The following SFTPD variants were observed in gnomAD, a reference collection of about 807,000 sequenced individuals.
SFTPD encodes the protein pulmonary surfactant-associated protein D.
In SFTPD, 18 loss-of-function variants were observed where a neutral mutation model predicts 34.6. That is an observed-to-expected ratio of 0.52 (90% CI 0.36 to 0.77). SFTPD has a LOEUF of 0.77. Among genes scored for constraint, SFTPD ranks in the 30% least tolerant of loss-of-function variants. The pLI is 0.00. For synonymous variants in SFTPD, 155 were observed against 180.9 expected, an observed-to-expected ratio of 0.86 and a Z score of 1.15; for missense variants, 433 against 468.9, an observed-to-expected ratio of 0.92 and a Z score of 0.71.
At chr10:79,943,635 T>C (rs1184295645) in intron 2 of SFTPD, among the ~76,000 whole-genome samples, 1 of 152,160 alleles carries the variant, frequency 6.6e-6, no homozygotes, top group Non-Finnish European at 1.5e-5. Context: ...AGCATGTGGT[T>C]GTGGGTAAAT....
intron 1 of SFTPD, among the ~76,000 whole-genome samples, chr10:79,980,025 A>G (rs1842882021): frequency 6.6e-6 from 1 of 152,216 alleles, no homozygotes; most frequent in Admixed American, 6.5e-5. Flanking sequence ...TTGGGCCTGA[A>G]GAAAACCCAC....
intron 1 of SFTPD, chr10:79,968,621 A>G (rs1158660698): frequency 2.6e-5 from 4 of 152,182 alleles, no homozygotes; most frequent in Non-Finnish European, 5.9e-5. Flanking sequence ...TGTTGCAATG[A>G]ATATATGAAT....
Position 79,938,195 on chromosome 10 carries a change from TCC to T in SFTPD, c.783_784del (p.Lys263AspfsTer33). On this transcript the variant is annotated frameshift_variant, in exon 8 of 8. Transcript: ENST00000372292. LOFTEE classifies it low-confidence loss of function (END_TRUNC). The stretch of plus-strand genomic sequence containing the variant: ...AAAGCCTGCTGTCTTGAAAATCTTC[TCC>T]CCGACACTTTGGCCATTTGGGAAGA... The T allele has an allele frequency of 6.3e-7, 1 of 1,599,366 alleles. No homozygotes were observed. The highest frequency in any genetic ancestry group is 8.6e-7 in the Non-Finnish European group (1 of 1,167,726).
chr10:79,956,214 C>T (rs1159740938), intron 1 of SFTPD, among the ~76,000 whole-genome samples: 2 of 152,192 alleles, frequency 1.3e-5, no homozygotes, highest in Non-Finnish European at 2.9e-5. Flanking sequence ...GTCTACAGCT[C>T]CCAGTGTGAG....
At chr10:79,953,359 T>G (rs2132508471), upstream of SFTPD, among the ~76,000 whole-genome samples, 1 of 152,282 alleles carries the variant, frequency 6.6e-6, no homozygotes, top group African/African-American at 2.4e-5. Context: ...TGGGATAGTT[T>G]TTATCTCTCC....
chr10:79,946,634 AGTG>A lies in SFTPD; in HGVS notation c.23_25del (p.Ala8_Leu9delinsVal). 6.2e-7 allele frequency: 1 copy of A among 1,614,214 alleles called. No individual in the cohort carries two copies. Among genetic ancestry groups the A allele is most frequent in the Non-Finnish European group, 8.5e-7 (1 of 1,180,024 alleles). ...GCCCAGGGGCTGTGTGAGCAGGACCAGTGCAGAGAGGAGGAAGAGCAGCATGGC... is the reference window on the plus strand; with the variant it reads ...GCCCAGGGGCTGTGTGAGCAGGACCACAGAGAGGAGGAAGAGCAGCATGGC... On this transcript the variant is annotated inframe_deletion, in exon 2 of 8. Coordinates refer to ENST00000372292, the MANE Select transcript of SFTPD (RefSeq NM_003019.5).
intron 1 of SFTPD, chr10:79,981,922 C>A: frequency 3.4e-6 from 1 of 293,414 alleles, no homozygotes; most frequent in Non-Finnish European, 6.5e-6. Flanking sequence ...GGTGTGCCCG[C>A]AGCCGAGACC....
At chr10:79,966,668 T>G (rs973638041) in intron 1 of SFTPD, among the ~76,000 whole-genome samples, 1 of 146,638 alleles carries the variant, frequency 6.8e-6, no homozygotes, top group Non-Finnish European at 1.5e-5. Context: ...CATGCCTATG[T>G]CCTGAATGGT....
upstream of SFTPD, among the ~76,000 whole-genome samples, chr10:79,952,625 C>T (rs1386063335): frequency 2.0e-5 from 3 of 152,116 alleles, no homozygotes; most frequent in Non-Finnish European, 4.4e-5. Context: ...TCCATAGCTC[C>T]CCAGGGTCCC....
intron 7 of SFTPD, 77 bp from the exon 8 acceptor site, chr10:79,938,305 C>T: frequency 7.4e-7 from 1 of 1,343,370 alleles, no homozygotes. Context: ...CCTCTGTGCT[C>T]CAACCTGAGC....
chr10:79,949,985 G>A (rs1842700242), upstream of SFTPD: 1 of 151,826 alleles, frequency 6.6e-6, no homozygotes, highest in South Asian at 2.1e-4. Context: ...TTACAGGTGA[G>A]CATGATCACA....
chr10:79,974,076 T>C (rs1040053372), intron 1 of SFTPD, among the ~76,000 whole-genome samples: 1 of 152,210 alleles, frequency 6.6e-6, no homozygotes, highest in Non-Finnish European at 1.5e-5. Flanking sequence ...CAGATTCCCC[T>C]TAAATAAGCT....
Position 79,938,151 on chromosome 10 carries a change from C to A in SFTPD, c.829G>T (p.Ala277Ser). The A allele has an allele frequency of 6.2e-7, 1 of 1,612,306 alleles. No homozygotes were observed. Reference protein sequence around the residue: ...TAGFVKPFTEAQLLCTQAGGQ... With the variant: ...TAGFVKPFTESQLLCTQAGGQ... The stretch of plus-strand genomic sequence containing the variant: ...CCAGCCTGTGTGCACAGCAGCTGTG[C>A]CTCCGTAAATGGTTTTACAAAGCCT... Residue 277 changes from alanine (A) to serine (S), a missense_variant, in exon 8 of 8, where the codon GCA becomes TCA. By Grantham distance (99) the Ala-to-Ser change is moderately conservative. Transcript: ENST00000372292.
At chr10:79,962,238 A>G (rs1433090602) in intron 1 of SFTPD, among the ~76,000 whole-genome samples, 1 of 151,450 alleles carries the variant, frequency 6.6e-6, no homozygotes, top group Non-Finnish European at 1.5e-5. Flanking sequence ...TGGCACATGT[A>G]TACATATGTA....
chr10:79,958,916 T>G (rs1322863540), intron 1 of SFTPD, among the ~76,000 whole-genome samples: 1 of 151,986 alleles, frequency 6.6e-6, no homozygotes, highest in Non-Finnish European at 1.5e-5. Context: ...TCAGCAAATG[T>G]AAAAGAACAG....
chr10:79,960,084 A>G (rs1842763364), intron 1 of SFTPD, among the ~76,000 whole-genome samples: 1 of 152,144 alleles, frequency 6.6e-6, no homozygotes, highest in Non-Finnish European at 1.5e-5. Flanking sequence ...GGCCTTTGAC[A>G]AAATTCAACA....
At chr10:79,976,871 G>A (rs1842866647) in intron 1 of SFTPD, among the ~76,000 whole-genome samples, 1 of 152,204 alleles carries the variant, frequency 6.6e-6, no homozygotes, top group Non-Finnish European at 1.5e-5. Flanking sequence ...ATTGAATCAT[G>A]AGGGCTGGTC....
rs1303198736 is a variant in SFTPD at position 79,940,770 on chromosome 10, T to TG, written c.685dup (p.Gln229ProfsTer4). On this transcript the variant is annotated frameshift_variant, in exon 7 of 8. Transcript: ENST00000372292. LOFTEE classifies it high-confidence loss of function. Reference sequence around the variant, plus strand: ...TTGTCCCTGTAAGGCCTCAACCTGCTGCCTCAGAGAAGCAACATCTGGAGG... The same window carrying TG: ...TTGTCCCTGTAAGGCCTCAACCTGCTGGCCTCAGAGAAGCAACATCTGGAGG... 1 of 1,611,364 alleles carries TG rather than the reference T, an allele frequency of 6.2e-7. No individual in the cohort carries two copies. The highest frequency in any genetic ancestry group is 2.2e-5 in the East Asian group (1 of 44,846).
chr10:79,961,226 A>G (rs1230051820), intron 1 of SFTPD, among the ~76,000 whole-genome samples: 1 of 152,214 alleles, frequency 6.6e-6, no homozygotes, highest in Non-Finnish European at 1.5e-5. Context: ...CATTCAGGAC[A>G]TAGGCTTGGG....
Sources: allele counts gnomAD v4.1 joint callset (sites outside exome capture counted in the v4.1 genomes callset), GRCh38; gene constraint gnomAD v4.1.1; transcripts MANE v1.5; gene names NCBI Gene and HGNC (gene_info 2026-07-23, HGNC 2026-07-21).